GAPDHS: variants seen among roughly 807,000 people sequenced by gnomAD.
GAPDHS encodes the protein glyceraldehyde-3-phosphate dehydrogenase, spermatogenic, also known as glyceraldehyde-3-phosphate dehydrogenase, testis-specific.
GAPDHS carries 42 observed loss-of-function variants against 48.7 expected under a neutral mutation model. The observed-to-expected ratio is 0.86, with a 90% CI of 0.67 to 1.12. GAPDHS has a LOEUF of 1.12. GAPDHS is among the 50% of genes most tolerant of loss of function. The pLI is 0.00. For missense variants in GAPDHS, 512 were observed against 557.7 expected (o/e 0.92, Z 0.82); for synonymous variants, 166 against 219.1 (o/e 0.76, Z 2.14).
In GAPDHS at chr19:35,543,019, G is replaced by T; in HGVS notation, c.734G>T (p.Gly245Val). 1 of 1,611,536 alleles carries T rather than the reference G, an allele frequency of 6.2e-7. No homozygotes were observed. The highest frequency in any genetic ancestry group is 8.5e-7 in the Non-Finnish European group (1 of 1,177,642). The change falls in exon 7 of 11, where the codon GGG (glycine) becomes GTG (valine). Residue 245 changes from glycine (G) to valine (V), a missense_variant. Transcript: ENST00000222286. ...VIHERFGIVEGLMTTVHSYTA... is the reference protein window; with the variant it reads ...VIHERFGIVEVLMTTVHSYTA... ...CACGAGCGATTTGGGATCGTGGAAG[G>T]GTTGATGGTGAGTTGAGGATGAGGG...
At chr19:35,540,669 T>C (rs1329856511) in intron 4 of GAPDHS, 1 of 151,984 alleles carries the variant, frequency 6.6e-6, no homozygotes, top group African/African-American at 2.4e-5. Flanking sequence ...GCTCTCCCTC[T>C]CACTCCCCTC....
intron 4 of GAPDHS, among the ~76,000 whole-genome samples, chr19:35,539,013 A>G (rs1424969140): frequency 2.0e-5 from 3 of 152,090 alleles, no homozygotes; most frequent in Non-Finnish European, 2.9e-5. Flanking sequence ...TCCCGGGCTC[A>G]AGTGGTCCTC....
intron 7 of GAPDHS, 129 bp from the exon 8 acceptor site, chr19:35,543,211 T>A: frequency 8.6e-7 from 1 of 1,160,814 alleles, no homozygotes; most frequent in Non-Finnish European, 1.3e-6. Context: ...CCTGCACACA[T>A]CCCCTCCTGT....
rs200917043 is a variant in GAPDHS, at chr19:35,545,090, C to T, written c.1155-8C>T. ...ACCCCCTTGAACCTCCCGACCCCTC[C>T]TCCACAGGTACGACAACGAATATGG... On this transcript the variant is annotated splice_region_variant and splice_polypyrimidine_tract_variant and intron_variant, in intron 10 of 10. Transcript: ENST00000222286. 1.2e-6 allele frequency: 2 copies of T among 1,613,800 alleles called. No individual in the cohort carries two copies. Among genetic ancestry groups the T allele is most frequent in the African/African-American group, 1.3e-5 (1 of 75,044 alleles).
chr19:35,544,743 C>T (rs1489015451), intron 9 of GAPDHS, 166 bp from the exon 10 acceptor site: 2 of 637,228 alleles, frequency 3.1e-6, no homozygotes, highest in Non-Finnish European at 5.7e-6. Context: ...CTTGGTCATA[C>T]CCTGCACTTG....
At chr19:35,535,898 G>A (rs1386565674) in intron 1 of GAPDHS, among the ~76,000 whole-genome samples, 1 of 151,658 alleles carries the variant, frequency 6.6e-6, no homozygotes, top group Non-Finnish European at 1.5e-5. Context: ...GCCCCCCGAG[G>A]AGCTGGGATT....
chr19:35,533,618 G>T lies in GAPDHS; in HGVS notation c.67+24G>T, dbSNP rs780929683. The T allele has an allele frequency of 3.8e-6, 6 of 1,590,116 alleles. No homozygotes were observed. In the African/African-American group the frequency reaches 8.0e-5, roughly 21 times the overall value. On this transcript the variant is annotated intron_variant, in intron 1 of 10. Transcript: ENST00000222286. ...GGGTGAGGGAGGCAGCGGAGGGCGC[G>T]GGGGAGGGGTGGAAAGGGTAGTGGG...
chr19:35,543,736 C>T lies in GAPDHS; in HGVS notation c.965C>T (p.Ala322Val). 6.2e-7 allele frequency: 1 copy of T among 1,614,058 alleles called. No homozygotes were observed. Among genetic ancestry groups the T allele is most frequent in the East Asian group, 2.2e-5 (1 of 44,888 alleles). The change falls in exon 9 of 11, where the codon GCC becomes GTC. Residue 322 changes from alanine to valine, a missense_variant. Physicochemically the swap from Ala to Val is moderately conservative, Grantham distance 64 (BLOSUM62 0). Transcript: ENST00000222286. The stretch of plus-strand genomic sequence containing the variant: ...GTCGTGGACCTGACCTGCCGCCTCG[C>T]CCAGCCTGCCCCCTACTCAGCCATC... The part of the protein sequence containing the change: ...VSVVDLTCRL[A>V]QPAPYSAIKE...
rs1254592133 is a variant in GAPDHS, at chr19:35,543,501, C to G, written c.893+10C>G. 2 of 1,594,384 alleles carry G rather than the reference C, an allele frequency of 1.3e-6. No individual in the cohort carries two copies. The highest frequency in any genetic ancestry group is 1.7e-6 in the Non-Finnish European group (2 of 1,172,008). ...TCCCAGAGCTCAAAGGGTATGAGGA[C>G]AAGAAGCTGCAACCAGGGTGGGGGC... On this transcript the variant is annotated intron_variant, in intron 8 of 10. Transcript: ENST00000222286.
At chr19:35,545,068 C>T in intron 10 of GAPDHS, 30 bp from the exon 11 acceptor site, 1 of 1,609,190 alleles carries the variant, frequency 6.2e-7, no homozygotes, top group Non-Finnish European at 8.5e-7. Context: ...GGAAGGAACC[C>T]CCTTGAACCT....
chr19:35,538,535 A>C (rs1600131172), intron 3 of GAPDHS, 42 bp from the exon 4 acceptor site: 1 of 1,361,536 alleles, frequency 7.3e-7, no homozygotes, highest in Non-Finnish European at 1.1e-6. Flanking sequence ...AGGGATCCTC[A>C]CCCTGCCACC....
rs1049624156 is a variant in GAPDHS at position 35,538,398 on chromosome 19, T to G, written c.337T>G (p.Tyr113Asp). Residue 113 changes from tyrosine (Y) to aspartate (D), a missense_variant, in exon 3 of 11, where the codon TAC becomes GAC. Tyr to Asp is a radical substitution (Grantham distance 160). Transcript: ENST00000222286. ...GAATGATCCATTCATTGACCCGGAA[T>G]ACATGGTCAGTAGCTGGCAGAGGGC... ...AVNDPFIDPE[Y>D]MVYMFKYDST... 1.9e-6 allele frequency: 3 copies of G among 1,576,700 alleles called. No homozygotes were observed. Among genetic ancestry groups the G allele is most frequent in the African/African-American group, 2.7e-5 (2 of 74,188 alleles).
chr19:35,538,491 T>C (rs2071480301), intron 3 of GAPDHS, 86 bp from the exon 4 acceptor site: 2 of 1,257,774 alleles, frequency 1.6e-6, no homozygotes, highest in Non-Finnish European at 2.3e-6. Flanking sequence ...CTCTCAGCTG[T>C]AATGTGAGAC....
chr19:35,538,713 T>C (rs1469035885), intron 4 of GAPDHS, 30 bp downstream of exon 4: 1 of 1,311,420 alleles, frequency 7.6e-7, no homozygotes. Context: ...GATGCACGGC[T>C]GTGACATATT....
At chr19:35,543,269 T>C (rs1426788820) in intron 7 of GAPDHS, 71 bp from the exon 8 acceptor site, 2 of 1,570,638 alleles carry the variant, frequency 1.3e-6, no homozygotes, top group African/African-American at 1.4e-5. Flanking sequence ...GCCACCAACT[T>C]AGTCCTGGAA....
At position 35,538,637 on chromosome 19, in the gene GAPDHS, A is replaced by T. The variant is rs758977031; in HGVS notation, c.403A>T (p.Asn135Tyr). 1 of 1,612,104 alleles carries T rather than the reference A, an allele frequency of 6.2e-7. No homozygotes were observed. The highest frequency in any genetic ancestry group is 1.1e-5 in the South Asian group (1 of 91,044). Reference protein sequence around the residue: ...GRYKGSVEFRNGQLVVDNHEI... With the variant: ...GRYKGSVEFRYGQLVVDNHEI... ...ATACAAGGGAAGTGTGGAATTCAGG[A>T]ATGGACAACTGGTCGTGGACAACCA... The change falls in exon 4 of 11, where the codon AAT becomes TAT. Residue 135 changes from asparagine to tyrosine, a missense_variant. Transcript: ENST00000222286.
rs763165514 is a variant in GAPDHS, at chr19:35,536,909, C to T, written c.164C>T (p.Pro55Leu). Residue 55 changes from proline to leucine, a missense_variant, in exon 2 of 11, where the codon CCG becomes CTG. Coordinates refer to ENST00000222286, the MANE Select transcript of GAPDHS (RefSeq NM_014364.5). ...TPVREEIKPP[P>L]PPLPPHPATP... ...GTCAGGGAGGAAATAAAGCCACCAC[C>T]GCCACCACTGCCTCCTCACCCCGCT... is the stretch of plus-strand genomic sequence containing the variant. 17 of 1,613,916 alleles carry T rather than the reference C, an allele frequency of 1.1e-5. No individual in the cohort carries two copies. The highest frequency in any genetic ancestry group is 6.6e-5 in the South Asian group (6 of 91,070).
chr19:35,544,406 C>G (rs2071529753), intron 9 of GAPDHS: 1 of 168,238 alleles, frequency 5.9e-6, no homozygotes, highest in South Asian at 1.4e-4. Context: ...CACTTTCCCA[C>G]AGTCACTGGG....
intron 6 of GAPDHS, 138 bp from the exon 7 acceptor site, chr19:35,542,807 T>C (rs548348645): frequency 4.0e-6 from 3 of 755,702 alleles, no homozygotes; most frequent in Admixed American, 3.9e-5. Flanking sequence ...AGTCTGACAG[T>C]GTCCCCACAG....
Sources: allele counts gnomAD v4.1 joint callset (sites outside exome capture counted in the v4.1 genomes callset), GRCh38; gene constraint gnomAD v4.1.1; transcripts MANE v1.5; gene names NCBI Gene and HGNC (gene_info 2026-07-23, HGNC 2026-07-21).